TSPAN9: variants seen among roughly 807,000 people sequenced by gnomAD.
TSPAN9 encodes tetraspanin-9.
TSPAN9 carries 16 observed loss-of-function variants against 31.0 expected under a neutral mutation model. The ratio of observed to expected loss-of-function variants is 0.52; its 90% CI spans 0.35 to 0.78. The LOEUF (loss-of-function observed/expected upper bound fraction) is 0.78. Ranked by LOEUF, TSPAN9 falls within the 30% of genes least tolerant of loss-of-function variation. TSPAN9 has a pLI of 0.01. For missense variants in TSPAN9, 272 were observed against 312.5 expected (o/e 0.87, Z 0.98); for synonymous variants, 145 against 121.6 (o/e 1.19, Z -1.27).
chr12:3,231,001 G>C (rs1044694970), intron 3 of TSPAN9, among the ~76,000 whole-genome samples: 1 of 152,168 alleles, frequency 6.6e-6, no homozygotes, highest in Non-Finnish European at 1.5e-5. Context: ...AGGGCCCAGC[G>C]TGACCTACAT....
At chr12:3,264,385 T>A (rs1017604263) in intron 3 of TSPAN9, among the ~76,000 whole-genome samples, 3 of 152,226 alleles carry the variant, frequency 2.0e-5, no homozygotes, top group Non-Finnish European at 4.4e-5. Context: ...CTTAATTTAT[T>A]GATGAAAACT....
chr12:3,153,718 ATC>A (rs542711449), intron 2 of TSPAN9, among the ~76,000 whole-genome samples: 6 of 152,014 alleles, frequency 3.9e-5, no homozygotes, highest in Admixed American at 2.6e-4. Flanking sequence ...CTGTGGATGT[ATC>A]TCTGTCTGTT....
At chr12:3,257,270 G>A (rs1862364208) in intron 3 of TSPAN9, among the ~76,000 whole-genome samples, 1 of 151,994 alleles carries the variant, frequency 6.6e-6, no homozygotes, top group Non-Finnish European at 1.5e-5. Context: ...AAGCATGTGG[G>A]CAGTTCTCTG....
At chr12:3,209,532 A>T (rs1429553689) in intron 3 of TSPAN9, among the ~76,000 whole-genome samples, 1 of 152,156 alleles carries the variant, frequency 6.6e-6, no homozygotes, top group African/African-American at 2.4e-5. Flanking sequence ...TTCAGTTCTC[A>T]GAGGTGGTCC....
intron 2 of TSPAN9, among the ~76,000 whole-genome samples, chr12:3,166,888 C>T (rs1565599711): frequency 6.6e-6 from 1 of 152,174 alleles, no homozygotes; most frequent in Non-Finnish European, 1.5e-5. Context: ...CCTCCACCTC[C>T]CAGGTTCAAG....
chr12:3,281,058 A>ATT, intron 6 of TSPAN9, 140 bp from the exon 7 acceptor site: 1 of 1,377,172 alleles, frequency 7.3e-7, no homozygotes, highest in Non-Finnish European at 9.7e-7. Context: ...AGGGACAAGA[A>ATT]GCAAGCCCTT....
At chr12:3,174,614 A>G (rs549763173) in intron 2 of TSPAN9, among the ~76,000 whole-genome samples, 7 of 151,770 alleles carry the variant, frequency 4.6e-5, no homozygotes, top group Admixed American at 1.3e-4. Flanking sequence ...ACGGAGTCTC[A>G]CTCTGTCGCC....
rs910681397 is a variant in TSPAN9 at position 3,192,579 on chromosome 12, C to T, written c.-17-8598C>T. On this transcript the variant is annotated intron_variant, in intron 2 of 8. Transcript: ENST00000011898. The surrounding 1 kb of genome is among the most constrained non-coding windows in gnomAD (Gnocchi z 4.6). ...AGCGGATAGTGCCAGGGAGCACATC[C>T]GGGGCAAGGTCAGTCCCTCCTGGAG... Among the ~76,000 whole-genome samples the T allele has an allele frequency of 3.3e-5, 5 of 152,058 alleles. No homozygotes were observed. The highest frequency in any genetic ancestry group is 9.7e-5 in the African/African-American group (4 of 41,394).
chr12:3,086,940 AAC>A (rs1168169313), intron 2 of TSPAN9, among the ~76,000 whole-genome samples: 1 of 152,158 alleles, frequency 6.6e-6, no homozygotes, highest in Non-Finnish European at 1.5e-5. Flanking sequence ...TGTTGCTGGA[AAC>A]ACACACAGTC....
At chr12:3,109,074 T>C (rs1040241100) in intron 2 of TSPAN9, among the ~76,000 whole-genome samples, 10 of 152,062 alleles carry the variant, frequency 6.6e-5, no homozygotes, top group Admixed American at 2.0e-4. Context: ...TAGCTGGGAC[T>C]ACAGGCACTC....
chr12:3,114,403 G>C (rs1180316654), intron 2 of TSPAN9, among the ~76,000 whole-genome samples: 1 of 152,146 alleles, frequency 6.6e-6, no homozygotes, highest in Non-Finnish European at 1.5e-5. Flanking sequence ...ACTGTAGTTT[G>C]CTGACTCCTC....
At chr12:3,154,010 A>ATGTGTG (rs56928697) in intron 2 of TSPAN9, among the ~76,000 whole-genome samples, 340 of 147,984 alleles carry the variant, frequency 2.3e-3, no homozygotes, top group South Asian at 6.2e-3. Flanking sequence ...TTATATATAT[A>ATGTGTG]TGTGTGTGTG....
intron 3 of TSPAN9, among the ~76,000 whole-genome samples, chr12:3,234,541 TACCTC>T (rs1464879795): frequency 2.0e-5 from 3 of 152,212 alleles, no homozygotes; most frequent in African/African-American, 7.2e-5. Context: ...TCCCGTTCCT[TACCTC>T]CAAAAGTAAC....
Position 3,117,487 on chromosome 12 carries a change from A to G in TSPAN9, c.-18+33768A>G, listed in dbSNP as rs552152875. Among the ~76,000 whole-genome samples, 51 of 151,690 alleles carry G rather than the reference A, an allele frequency of 3.4e-4. 1 individual carries two copies. In the South Asian group the frequency reaches 4.8e-3, roughly 14 times the overall value. On this transcript the variant is annotated intron_variant, in intron 2 of 8. Coordinates refer to ENST00000011898, the MANE Select transcript of TSPAN9 (RefSeq NM_006675.5). ...CTCTTCCGTTGGTGGGAGAAATCCA[A>G]GTGCTTAGCGGTCCCTCTGCTGCTG...
intron 2 of TSPAN9, among the ~76,000 whole-genome samples, chr12:3,109,286 G>GTGTGTGTGTGTGTGTGTA (rs1565578933): frequency 2.3e-5 from 3 of 131,674 alleles, no homozygotes; most frequent in African/African-American, 1.1e-4. Context: ...GTGTGTGTGT[G>GTGTGTGTGTGTGTGTGTA]TGTGTGTGTG....
chr12:3,176,214 A>G (rs1052786550), intron 2 of TSPAN9, among the ~76,000 whole-genome samples: 1 of 152,208 alleles, frequency 6.6e-6, no homozygotes, highest in African/African-American at 2.4e-5. Flanking sequence ...TTGTCTCAGC[A>G]TCGAGCCTTA....
At chr12:3,265,376 C>T (rs1044969374) in intron 3 of TSPAN9, among the ~76,000 whole-genome samples, 1 of 152,160 alleles carries the variant, frequency 6.6e-6, no homozygotes, top group African/African-American at 2.4e-5. Context: ...TCGTCATCAC[C>T]GTTTGCAGAG....
chr12:3,225,364 C>T (rs1309382315), intron 3 of TSPAN9, among the ~76,000 whole-genome samples: 2 of 152,166 alleles, frequency 1.3e-5, no homozygotes, highest in Non-Finnish European at 2.9e-5. Context: ...ACAGGACAGC[C>T]TGTCCTGTGC....
intron 2 of TSPAN9, chr12:3,200,246 G>A (rs577740580): frequency 1.3e-5 from 2 of 152,396 alleles, no homozygotes; most frequent in East Asian, 1.9e-4. Flanking sequence ...GCGGGGCCGG[G>A]AAGGCCTCGC....
Sources: allele counts gnomAD v4.1 joint callset (sites outside exome capture counted in the v4.1 genomes callset), GRCh38; gene constraint gnomAD v4.1.1; non-coding constraint Gnocchi (gnomAD v3.1); transcripts MANE v1.5; gene names NCBI Gene and HGNC (gene_info 2026-07-23, HGNC 2026-07-21).